The following CCPG1 variants were observed in gnomAD, a reference collection of about 807,000 sequenced individuals.
CCPG1 encodes the protein cell cycle progression protein 1.
A neutral mutation model predicts 81.3 loss-of-function variants in CCPG1; 46 were observed. That is an observed-to-expected ratio of 0.57 (90% CI 0.45 to 0.72). The LOEUF is 0.72. Ranked by LOEUF, CCPG1 falls within the 30% of genes least tolerant of loss-of-function variation. The pLI is 0.00. For synonymous variants in CCPG1, 330 were observed against 305.2 expected, an observed-to-expected ratio of 1.08 and a Z score of -0.85; for missense variants, 902 against 937.6, an observed-to-expected ratio of 0.96 and a Z score of 0.50.
chr15:55,360,096 A>G lies in CCPG1; in HGVS notation c.1677T>C (p.Ala559=). 6.2e-7 allele frequency: 1 copy of G among 1,613,886 alleles called. No homozygotes were observed. ...NKRFGATKEA[A]EKPRTVFSDY... ...CACTAAAAACTGTTCTTGGTTTTTCAGCTGCTTCTTTTGTAGCACCAAATC... is the reference window on the plus strand; with the variant it reads ...CACTAAAAACTGTTCTTGGTTTTTCGGCTGCTTCTTTTGTAGCACCAAATC... Residue 559 remains alanine (A), a synonymous_variant, in exon 8 of 9, where the codon GCT becomes GCC. Coordinates refer to ENST00000442196, the MANE Select transcript of CCPG1 (RefSeq NM_001204450.2).
Position 55,377,034 on chromosome 15 carries a change from G to A in CCPG1, c.369C>T (p.Val123=), listed in dbSNP as rs375454733. 6.0e-5 allele frequency: 97 copies of A among 1,613,696 alleles called. No individual in the cohort carries two copies. Among genetic ancestry groups the A allele is most frequent in the Non-Finnish European group, 7.9e-5 (93 of 1,179,850 alleles). The change falls in exon 5 of 9, where the codon GTC becomes GTT. Residue 123 remains valine, a synonymous_variant. Transcript: ENST00000442196. The part of the protein sequence containing the change: ...KLEEIGNQEV[V]IVEEAQSSED... ...CTGAACTCTGTGCTTCTTCAACAAT[G>A]ACAACTTCTTGATTTCCAATTTCTT...
intron 3 of CCPG1, among the ~76,000 whole-genome samples, chr15:55,383,016 A>G (rs2056732184): frequency 6.6e-6 from 1 of 152,210 alleles, no homozygotes; most frequent in Non-Finnish European, 1.5e-5. Context: ...GAAGATTTTC[A>G]ATTCACACAC....
intron 1 of CCPG1, among the ~76,000 whole-genome samples, chr15:55,393,883 T>G (rs912183371): frequency 6.6e-6 from 1 of 152,204 alleles, no homozygotes. Flanking sequence ...CTAGAGGGTA[T>G]TGAAACCCCC....
chr15:55,384,700 T>G (rs1035450928), intron 3 of CCPG1, among the ~76,000 whole-genome samples: 16 of 152,026 alleles, frequency 1.1e-4, no homozygotes, highest in African/African-American at 3.4e-4. Flanking sequence ...ATATTATAAT[T>G]ATAAAAATGA....
intron 2 of CCPG1, among the ~76,000 whole-genome samples, chr15:55,387,698 C>T (rs1429845785): frequency 6.6e-6 from 1 of 151,746 alleles, no homozygotes; most frequent in Admixed American, 6.6e-5. Flanking sequence ...GCATGTGCGA[C>T]CACGCCTGGC....
chr15:55,400,228 A>AAAC (rs2057102632), intron 1 of CCPG1, among the ~76,000 whole-genome samples: 1 of 146,490 alleles, frequency 6.8e-6, no homozygotes, highest in African/African-American at 2.5e-5. Flanking sequence ...AAAAAAAAAA[A>AAAC]GGCCAGGGGT....
At chr15:55,357,936 C>G (rs2056115763) in intron 8 of CCPG1, 2 of 152,226 alleles carry the variant, frequency 1.3e-5, no homozygotes, top group Admixed American at 6.5e-5. Flanking sequence ...TGCTCCATCC[C>G]ACATGGGATG....
Position 55,376,983 on chromosome 15 carries a change from A to T in CCPG1, c.420T>A (p.Ser140=). Residue 140 remains serine, a synonymous_variant, in exon 5 of 9, where the codon TCT becomes TCA. Transcript: ENST00000442196. ...GCTGACAGAAAGTATACTGGCTGCT[A>T]GAGGAAGAGCCCATGTTAAAGTCTT... ...SSEDFNMGSS[S]SSQYTFCQPE... is the part of the protein sequence containing the mutation. 6.2e-7 allele frequency: 1 copy of T among 1,613,626 alleles called. No homozygotes were observed. Among genetic ancestry groups the T allele is most frequent in the Non-Finnish European group, 8.5e-7 (1 of 1,179,930 alleles).
chr15:55,388,696 G>A (rs982775689), intron 2 of CCPG1, among the ~76,000 whole-genome samples: 4 of 151,912 alleles, frequency 2.6e-5, no homozygotes, highest in African/African-American at 9.7e-5. Flanking sequence ...AAGGTTACAT[G>A]GTACTATGAT....
intron 1 of CCPG1, among the ~76,000 whole-genome samples, chr15:55,394,839 T>C (rs892651212): frequency 2.6e-5 from 4 of 151,572 alleles, no homozygotes; most frequent in Admixed American, 6.6e-5. Flanking sequence ...TCACTGCAAC[T>C]GGACAATGAG....
chr15:55,401,642 G>T (rs1193581195), intron 1 of CCPG1, among the ~76,000 whole-genome samples: 1 of 146,068 alleles, frequency 6.8e-6, no homozygotes, highest in East Asian at 2.1e-4. Flanking sequence ...CTCCAGCCTG[G>T]GCGTAAGAAT....
chr15:55,391,814 A>G (rs1270713480), intron 1 of CCPG1, among the ~76,000 whole-genome samples: 2 of 143,962 alleles, frequency 1.4e-5, no homozygotes, highest in Non-Finnish European at 3.0e-5. Context: ...CATAATGATC[A>G]TGCCTGTGAA....
intron 8 of CCPG1, chr15:55,357,485 G>A (rs2056105734): frequency 1.0e-6 from 1 of 955,926 alleles, no homozygotes; most frequent in Non-Finnish European, 1.2e-6. Context: ...TTTACTTTCT[G>A]TGATTGAGGT....
At chr15:55,401,559 C>T (rs970978480) in intron 1 of CCPG1, among the ~76,000 whole-genome samples, 2 of 151,368 alleles carry the variant, frequency 1.3e-5, no homozygotes, top group Non-Finnish European at 2.9e-5. Context: ...CCCAGCTATT[C>T]GGGAGGCTGA....
chr15:55,356,147 T>C lies in CCPG1; in HGVS notation c.*73A>G. ...GACATTGTCATCTTGGTAATTTCAT[T>C]AGTTTCAATACCAAACATTATACAA... On this transcript the variant is annotated 3_prime_UTR_variant, in exon 9 of 9. Transcript: ENST00000442196. 2.8e-6 allele frequency: 3 copies of C among 1,060,800 alleles called. No individual in the cohort carries two copies. Among genetic ancestry groups the C allele is most frequent in the Non-Finnish European group, 4.0e-6 (3 of 749,512 alleles). The allele number at this position is 1,060,800 out of a possible 1,614,324, so 65.7% of individuals were successfully genotyped here.
Position 55,360,858 on chromosome 15 carries a change from T to G in CCPG1, c.915A>C (p.Thr305=). The G allele has an allele frequency of 6.2e-7, 1 of 1,608,622 alleles. No homozygotes were observed. Among genetic ancestry groups the G allele is most frequent in the Non-Finnish European group, 8.5e-7 (1 of 1,178,558 alleles). The change falls in exon 8 of 9, where the codon ACA becomes ACC. Residue 305 remains threonine, a synonymous_variant. Coordinates refer to ENST00000442196, the MANE Select transcript of CCPG1 (RefSeq NM_001204450.2). ...SFETQKTNLA[T]ENQYLRVSLE... ...AGGATACTCTTAAATACTGATTTTC[T>G]GTAGCAAGGTTCGTTTTCTGAGTTT...
chr15:55,355,589 G>T lies in CCPG1; in HGVS notation c.*631C>A. 1.9e-6 allele frequency: 1 copy of T among 515,352 alleles called. No homozygotes were observed. Among genetic ancestry groups the T allele is most frequent in the Non-Finnish European group, 3.3e-6 (1 of 298,694 alleles). 31.9% of individuals were successfully genotyped at this position (515,352 alleles called of 1,614,324 possible). On this transcript the variant is annotated 3_prime_UTR_variant, in exon 9 of 9. Coordinates refer to ENST00000442196, the MANE Select transcript of CCPG1 (RefSeq NM_001204450.2). ...GAGGAAATGTATAAAATACCACATA[G>T]TATAAAATTACATGTTAATACAATG... is the stretch of plus-strand genomic sequence containing the variant.
intron 1 of CCPG1, among the ~76,000 whole-genome samples, chr15:55,392,160 AAAAT>A (rs1348682747): frequency 2.0e-5 from 3 of 152,068 alleles, no homozygotes; most frequent in Non-Finnish European, 4.4e-5. Flanking sequence ...AAAAAAATAA[AAAAT>A]AAAAAAGACA....
At chr15:55,407,568 C>T (rs531615644) in intron 1 of CCPG1, among the ~76,000 whole-genome samples, 3 of 152,176 alleles carry the variant, frequency 2.0e-5, no homozygotes, top group Non-Finnish European at 2.9e-5. Flanking sequence ...TTACTTGGCG[C>T]TCCCAATAGT....
Sources: gnomAD v4.1 joint callset for allele counts (sites outside exome capture counted in the v4.1 genomes callset) on GRCh38, gnomAD v4.1.1 for gene constraint, MANE v1.5 for transcripts, NCBI Gene and HGNC (gene_info 2026-07-23, HGNC 2026-07-21) for gene names.